TNPO3: variants seen among roughly 807,000 people sequenced by gnomAD.
TNPO3 encodes transportin 3.
In TNPO3, 65 loss-of-function variants were observed where a neutral mutation model predicts 122.8. The observed-to-expected ratio is 0.53, with a 90% confidence interval of 0.43 to 0.65. The LOEUF (loss-of-function observed/expected upper bound fraction) is 0.65. Ranked by LOEUF, TNPO3 falls within the 30% of genes least tolerant of loss-of-function variation. The probability of loss-of-function intolerance (pLI) is 0.00; values close to 1 mark genes in which losing one functional copy is unlikely to be tolerated. For synonymous variants in TNPO3, 372 were observed against 411.2 expected (o/e 0.90, Z 1.15); for missense variants, 850 against 1,136.7 (o/e 0.75, Z 3.63).
intron 1 of TNPO3, among the ~76,000 whole-genome samples, chr7:129,027,577 A>AAC (rs1805367310): frequency 1.4e-5 from 2 of 138,724 alleles, no homozygotes; most frequent in East Asian, 2.0e-4. Flanking sequence ...AAAAAAAAAA[A>AAC]AAAAAAAAAA....
Position 128,968,843 on chromosome 7 carries a change from T to C in TNPO3, c.2598+1305A>G, listed in dbSNP as rs6977959. Among the ~76,000 whole-genome samples, 1,051 of 152,192 alleles carry C rather than the reference T, an allele frequency of 6.9e-3. 14 individuals are homozygous for C. The highest frequency in any genetic ancestry group is 0.024 in the African/African-American group (1,015 of 41,532). The stretch of plus-strand genomic sequence containing the variant: ...CTCCTACCTCACCCTCCTGAGTAGC[T>C]GGGACTATAGATGTATGCCACCACA... On this transcript the variant is annotated intron_variant, in intron 20 of 22. Transcript: ENST00000265388.
intron 6 of TNPO3, 131 bp from the exon 7 acceptor site, chr7:129,000,698 T>C (rs1801847953): frequency 2.2e-6 from 2 of 910,792 alleles, no homozygotes; most frequent in Non-Finnish European, 3.3e-6. Context: ...TACTATGCTG[T>C]ATCACAATCC....
chr7:129,003,304 T>TTTTTTTTTTTTTTTTTTTTTTTTTTG (rs1802204297), intron 5 of TNPO3, among the ~76,000 whole-genome samples: 1 of 149,554 alleles, frequency 6.7e-6, no homozygotes, highest in Non-Finnish European at 1.5e-5. Context: ...AGGGTTTTTT[T>TTTTTTTTTTTTTTTTTTTTTTTTTTG]TTTTTTTTTT....
chr7:128,973,778 C>A (rs2128997143), intron 18 of TNPO3, among the ~76,000 whole-genome samples: 3 of 58,170 alleles, frequency 5.2e-5, no homozygotes, highest in Non-Finnish European at 1.0e-4. Flanking sequence ...CAGAGGGTGA[C>A]AGCCCATCCA....
At chr7:129,009,768 C>A (rs780957640) in intron 4 of TNPO3, among the ~76,000 whole-genome samples, 3 of 152,216 alleles carry the variant, frequency 2.0e-5, no homozygotes, top group Non-Finnish European at 4.4e-5. Flanking sequence ...ACAGCTTTCA[C>A]GCCCAGTCTA....
intron 1 of TNPO3, among the ~76,000 whole-genome samples, chr7:129,027,722 A>C (rs548239172): frequency 2.0e-5 from 3 of 152,128 alleles, no homozygotes; most frequent in African/African-American, 7.2e-5. Context: ...CTTTGGCTCC[A>C]CTTTTCCCCT....
At chr7:128,978,570 A>G (rs1799313281) in intron 16 of TNPO3, among the ~76,000 whole-genome samples, 1 of 152,204 alleles carries the variant, frequency 6.6e-6, no homozygotes, top group Admixed American at 6.5e-5. Context: ...TATCACAGGC[A>G]CTAATCTCTT....
chr7:128,964,333 CTTT>C (rs35667373), intron 21 of TNPO3, among the ~76,000 whole-genome samples: 3 of 120,668 alleles, frequency 2.5e-5, no homozygotes, highest in African/African-American at 3.0e-5. Context: ...CCAAAACAAT[CTTT>C]TTTTTTTTTT....
At chr7:128,972,286 A>C in intron 19 of TNPO3, 140 bp downstream of exon 19, 1 of 931,838 alleles carries the variant, frequency 1.1e-6, no homozygotes, top group East Asian at 2.7e-5. Context: ...TATTTTGGCT[A>C]GTGAATGATC....
At chr7:129,046,737 G>A (rs916641115) in intron 1 of TNPO3, among the ~76,000 whole-genome samples, 2 of 152,158 alleles carry the variant, frequency 1.3e-5, no homozygotes, top group African/African-American at 4.8e-5. Context: ...ACATAGCTGG[G>A]GAGGCTTCAC....
In TNPO3 at chr7:128,955,389, A is replaced by T. The variant is rs1012607485; in HGVS notation, c.*32-4T>A. On this transcript the variant is annotated splice_polypyrimidine_tract_variant and splice_region_variant and intron_variant, in intron 22 of 22. Transcript: ENST00000265388. ...CTTCTAATTAAAAAAGACATTCCTG[A>T]CAAAAGAGATAAGACAGTCAATAAC... 2.2e-6 allele frequency: 1 copy of T among 455,788 alleles called. No individual in the cohort carries two copies. The highest frequency in any genetic ancestry group is 7.0e-5 in the East Asian group (1 of 14,322). The allele number at this position is 455,788 out of a possible 1,614,324, so 28.2% of individuals were successfully genotyped here.
At chr7:129,030,267 G>T (rs945512034) in intron 1 of TNPO3, 1 of 248,750 alleles carries the variant, frequency 4.0e-6, no homozygotes, top group South Asian at 5.7e-5. Flanking sequence ...ACTGTGATCT[G>T]CCCAAAATAT....
chr7:128,957,433 A>G (rs941760339), intron 21 of TNPO3, 118 bp from the exon 22 acceptor site: 2 of 999,774 alleles, frequency 2.0e-6, no homozygotes, highest in Non-Finnish European at 3.1e-6. Flanking sequence ...AGCTCTCTCC[A>G]TCGTCTCCTG....
At chr7:129,005,654 T>A (rs1402195387) in intron 4 of TNPO3, among the ~76,000 whole-genome samples, 1 of 152,036 alleles carries the variant, frequency 6.6e-6, no homozygotes, top group East Asian at 1.9e-4. Flanking sequence ...CCCCTTCACC[T>A]TCCCCCATGA....
intron 22 of TNPO3, 123 bp downstream of exon 22, chr7:128,957,101 G>T: frequency 1.2e-6 from 1 of 827,704 alleles, no homozygotes; most frequent in South Asian, 1.5e-5. Flanking sequence ...TTAAACTGCT[G>T]AGTCCTTCCC....
intron 1 of TNPO3, among the ~76,000 whole-genome samples, chr7:129,042,763 A>G (rs1398368071): frequency 6.6e-6 from 1 of 152,052 alleles, no homozygotes; most frequent in Non-Finnish European, 1.5e-5. Flanking sequence ...ATATTTTTCA[A>G]TATAACTTCT....
chr7:128,986,840 AAATGT>A lies in TNPO3; in HGVS notation c.1574_1578del (p.Asn525MetfsTer13). ...GCCATGTGATCTCGGCAGACAGAGC[AAATGT>A]TATGAATGGCTTTGGCTGCAGCAGA... On this transcript the variant is annotated frameshift_variant, in exon 12 of 23. Coordinates refer to ENST00000265388, the MANE Select transcript of TNPO3 (RefSeq NM_012470.4). LOFTEE classifies it high-confidence loss of function. 6.2e-7 allele frequency: 1 copy of A among 1,614,146 alleles called. No homozygotes were observed. Among genetic ancestry groups the A allele is most frequent in the South Asian group, 1.1e-5 (1 of 91,076 alleles).
chr7:129,013,078 CT>C (rs1803399141), intron 4 of TNPO3, among the ~76,000 whole-genome samples: 1 of 152,190 alleles, frequency 6.6e-6, no homozygotes, highest in Non-Finnish European at 1.5e-5. Context: ...CTTCTATCAC[CT>C]TTCAGTTCAT....
chr7:129,016,976 T>A lies in TNPO3; in HGVS notation c.395+7A>T. The stretch of plus-strand genomic sequence containing the variant: ...ATGCTAATATAGAGTCAATACAAAT[T>A]ACTTACTTTTCCACCAGTGTTTGCA... On this transcript the variant is annotated splice_region_variant and intron_variant, in intron 3 of 22. Transcript: ENST00000265388. The A allele has an allele frequency of 6.2e-7, 1 of 1,612,856 alleles. No individual in the cohort carries two copies.
Sources: allele counts gnomAD v4.1 joint callset (sites outside exome capture counted in the v4.1 genomes callset), GRCh38; gene constraint gnomAD v4.1.1; transcripts MANE v1.5; gene names NCBI Gene and HGNC (gene_info 2026-07-23, HGNC 2026-07-21).